Variants in DNAH7 observed in about 807,000 individuals in gnomAD.
DNAH7 encodes dynein axonemal heavy chain 7, also known as axonemal beta dynein heavy chain 7.
DNAH7 carries 397 observed loss-of-function variants against 444.6 expected under a neutral mutation model. That is an observed-to-expected ratio of 0.89 (90% CI 0.82 to 0.97). The LOEUF (loss-of-function observed/expected upper bound fraction) is 0.97, where lower values mean the gene tolerates loss of function less well. Among genes scored for constraint, DNAH7 ranks in the 50% least tolerant of loss-of-function variants. The pLI, the probability that DNAH7 is intolerant of heterozygous loss-of-function variation, is 0.00. For synonymous variants in DNAH7, 1,636 were observed against 1,624.4 expected, an observed-to-expected ratio of 1.01 and a Z score of -0.17; for missense variants, 4,902 against 4,800.8, an observed-to-expected ratio of 1.02 and a Z score of -0.62.
intron 48 of DNAH7, among the ~76,000 whole-genome samples, chr2:195,827,877 T>C (rs1697856390): frequency 6.6e-6 from 1 of 152,142 alleles, no homozygotes. Flanking sequence ...GTACCCGACC[T>C]TCCACTTGTT....
intron 5 of DNAH7, among the ~76,000 whole-genome samples, chr2:196,043,610 A>C (rs1559363804): frequency 6.6e-6 from 1 of 151,714 alleles, no homozygotes; most frequent in Non-Finnish European, 1.5e-5. Context: ...AGAAGTAATC[A>C]GCAGAGAAAA....
At chr2:195,972,037 C>T (rs943890122) in intron 16 of DNAH7, among the ~76,000 whole-genome samples, 9 of 152,118 alleles carry the variant, frequency 5.9e-5, no homozygotes, top group Admixed American at 5.2e-4. Context: ...GATCAATATA[C>T]TACTGACTCC....
At chr2:196,027,826 A>G in intron 6 of DNAH7, 134 bp downstream of exon 6, 1 of 694,810 alleles carries the variant, frequency 1.4e-6, no homozygotes, top group Non-Finnish European at 2.2e-6. Context: ...GTGCCTTTTT[A>G]TAGAACTCTG....
rs149011998 is a variant in DNAH7 at position 195,819,066 on chromosome 2, T to C, written c.9292-1237A>G. ...TGTGGAATCCCATACACACTATCTA[T>C]GAAATGCCTCCATGTGCTTCAGTGT... On this transcript the variant is annotated intron_variant, in intron 49 of 64. Transcript: ENST00000312428. Among the ~76,000 whole-genome samples, 615 of 152,108 alleles carry C rather than the reference T, an allele frequency of 4.0e-3. 5 individuals carry two copies. Among genetic ancestry groups the C allele is most frequent in the African/African-American group, 0.014 (590 of 41,392 alleles).
intron 46 of DNAH7, among the ~76,000 whole-genome samples, chr2:195,846,302 CAAT>C: frequency 6.6e-6 from 1 of 152,278 alleles, no homozygotes; most frequent in Admixed American, 6.5e-5. Flanking sequence ...ATCCAAACCA[CAAT>C]GAGATACCAT....
At chr2:195,848,651 G>A (rs1196338480) in intron 46 of DNAH7, among the ~76,000 whole-genome samples, 1 of 152,250 alleles carries the variant, frequency 6.6e-6, no homozygotes, top group Non-Finnish European at 1.5e-5. Context: ...GTGTTGTCAG[G>A]AGACAGTGTA....
At chr2:196,007,702 T>G (rs6752794) in intron 10 of DNAH7, among the ~76,000 whole-genome samples, 35,797 of 152,050 alleles carry the variant, frequency 0.24, 7,370 homozygotes, top group African/African-American at 0.55. Flanking sequence ...TTTATAAATG[T>G]GAGTTCCCCT....
Position 195,960,226 on chromosome 2 carries a change from T to C in DNAH7, c.2891+34A>G, listed in dbSNP as rs750887270. ...TTAAACACAAGTGATTTTGGTAACA[T>C]AGCATAAACATTGCCATATAAATAT... On this transcript the variant is annotated intron_variant, in intron 18 of 64. Transcript: ENST00000312428. The C allele has an allele frequency of 4.0e-6, 6 of 1,517,588 alleles. No individual in the cohort carries two copies. The African/African-American group carries it at 6.9e-5, about 18-fold the overall frequency. The allele number at this position is 1,517,588 out of a possible 1,614,324, so 94.0% of individuals were successfully genotyped here.
At chr2:195,848,327 C>T (rs1699138365) in intron 46 of DNAH7, among the ~76,000 whole-genome samples, 1 of 152,256 alleles carries the variant, frequency 6.6e-6, no homozygotes, top group Admixed American at 6.5e-5. Context: ...CATCATGATT[C>T]CTGGCACCAT....
At chr2:195,763,381 T>TA (rs1415754279) in intron 61 of DNAH7, among the ~76,000 whole-genome samples, 3 of 151,144 alleles carry the variant, frequency 2.0e-5, no homozygotes, top group Non-Finnish European at 3.0e-5. Flanking sequence ...AAAGAAATAA[T>TA]AAAAATCAGA....
chr2:196,025,946 T>C (rs1453829274), intron 7 of DNAH7, among the ~76,000 whole-genome samples: 1 of 152,146 alleles, frequency 6.6e-6, no homozygotes, highest in African/African-American at 2.4e-5. Context: ...AAAGTACAGA[T>C]TCCAAGGCCC....
intron 19 of DNAH7, among the ~76,000 whole-genome samples, chr2:195,953,655 G>C (rs1690422370): frequency 6.6e-6 from 1 of 152,234 alleles, no homozygotes; most frequent in Admixed American, 6.5e-5. Context: ...AATCTAGAGA[G>C]ACAGTCTGTC....
At chr2:195,821,645 G>A (rs1161514583) in intron 49 of DNAH7, among the ~76,000 whole-genome samples, 2 of 152,138 alleles carry the variant, frequency 1.3e-5, no homozygotes, top group Non-Finnish European at 2.9e-5. Flanking sequence ...AGAGCAGAAC[G>A]TATGGTAAGT....
intron 51 of DNAH7, among the ~76,000 whole-genome samples, chr2:195,812,612 T>A (rs116457299): frequency 0.017 from 2,551 of 152,310 alleles, 67 homozygotes; most frequent in African/African-American, 0.058. Context: ...ACCATACTAG[T>A]CGTAACATAA....
chr2:196,023,516 C>T lies in DNAH7; in HGVS notation c.743+913G>A, dbSNP rs150588448. 1.4e-3 allele frequency among the ~76,000 whole-genome samples: 217 copies of T among 152,342 alleles called. 1 individual carries two copies. The highest frequency in any genetic ancestry group is 5.0e-3 in the African/African-American group (208 of 41,576). On this transcript the variant is annotated intron_variant, in intron 8 of 64. Transcript: ENST00000312428. Reference sequence around the variant, plus strand: ...TGAAGCAACCTCTGCTACCTTCAAACATTTCTTCTGCAGCTTCCTTACCTT... The same window carrying T: ...TGAAGCAACCTCTGCTACCTTCAAATATTTCTTCTGCAGCTTCCTTACCTT...
At chr2:195,791,617 G>A (rs1695882813) in intron 57 of DNAH7, among the ~76,000 whole-genome samples, 1 of 152,130 alleles carries the variant, frequency 6.6e-6, no homozygotes, top group African/African-American at 2.4e-5. Context: ...TATATTCTCA[G>A]CACTAATTGC....
At chr2:195,932,696 G>A (rs1214736573) in intron 21 of DNAH7, among the ~76,000 whole-genome samples, 1 of 152,032 alleles carries the variant, frequency 6.6e-6, no homozygotes, top group African/African-American at 2.4e-5. Context: ...TTTGTCGTTG[G>A]TTCTGTTTAT....
At chr2:195,910,272 G>T in intron 24 of DNAH7, 77 bp from the exon 25 acceptor site, 1 of 1,255,600 alleles carries the variant, frequency 8.0e-7, no homozygotes, top group Non-Finnish European at 1.1e-6. Flanking sequence ...AGAGAAAAAG[G>T]TTAAATTGAG....
chr2:195,745,614 G>A (rs1411771125), intron 63 of DNAH7, among the ~76,000 whole-genome samples: 1 of 152,198 alleles, frequency 6.6e-6, no homozygotes, highest in Non-Finnish European at 1.5e-5. Context: ...ACAAAGGTCG[G>A]GTTACCCACA....
Sources: allele counts gnomAD v4.1 joint callset (sites outside exome capture counted in the v4.1 genomes callset), GRCh38; gene constraint gnomAD v4.1.1; transcripts MANE v1.5; gene names NCBI Gene and HGNC (gene_info 2026-07-23, HGNC 2026-07-21).